FBXL13: variants seen among roughly 807,000 people sequenced by gnomAD.
FBXL13 encodes the protein F-box and leucine-rich repeat protein 13.
In FBXL13, 67 loss-of-function variants were observed where a neutral mutation model predicts 83.6. The ratio of observed to expected loss-of-function variants is 0.80; its 90% CI spans 0.66 to 0.98. The LOEUF is 0.98. Among genes scored for constraint, FBXL13 ranks in the 50% least tolerant of loss-of-function variants. The probability of loss-of-function intolerance (pLI) is 0.00; values close to 1 mark genes in which losing one functional copy is unlikely to be tolerated. For missense variants in FBXL13, 822 were observed against 866.5 expected (o/e 0.95, Z 0.64); for synonymous variants, 272 against 299.5 (o/e 0.91, Z 0.95).
At chr7:103,046,942 T>A (rs1308491071) in intron 2 of FBXL13, 2 of 152,244 alleles carry the variant, frequency 1.3e-5, no homozygotes, top group East Asian at 1.9e-4. Context: ...TTCTCTGATG[T>A]TCTCAAAAGA....
At chr7:102,840,945 C>G (rs1415882110) in intron 17 of FBXL13, among the ~76,000 whole-genome samples, 1 of 152,088 alleles carries the variant, frequency 6.6e-6, no homozygotes, top group Non-Finnish European at 1.5e-5. Context: ...CTGGAACGAT[C>G]CTATCTATGA....
At chr7:102,949,653 T>A (rs1823106885) in intron 8 of FBXL13, among the ~76,000 whole-genome samples, 2 of 152,212 alleles carry the variant, frequency 1.3e-5, no homozygotes, top group South Asian at 4.1e-4. Context: ...GTTTCTGTGA[T>A]GAAGACAATT....
At chr7:102,909,525 C>T (rs1814311949) in intron 11 of FBXL13, among the ~76,000 whole-genome samples, 1 of 152,096 alleles carries the variant, frequency 6.6e-6, no homozygotes, top group South Asian at 2.1e-4. Context: ...GTCACAGAGG[C>T]TCACCCAAGG....
At chr7:102,850,392 C>A (rs1417457949) in intron 17 of FBXL13, among the ~76,000 whole-genome samples, 1 of 152,086 alleles carries the variant, frequency 6.6e-6, no homozygotes, top group Non-Finnish European at 1.5e-5. Flanking sequence ...TATGTCATCA[C>A]CATGGTAGGT....
intron 8 of FBXL13, among the ~76,000 whole-genome samples, chr7:102,959,223 C>A (rs1013174778): frequency 6.6e-6 from 1 of 152,078 alleles, no homozygotes; most frequent in Non-Finnish European, 1.5e-5. Flanking sequence ...GTAGCACCAG[C>A]AATAATCAAT....
At chr7:103,052,388 T>C (rs563063332) in intron 2 of FBXL13, among the ~76,000 whole-genome samples, 1 of 152,154 alleles carries the variant, frequency 6.6e-6, no homozygotes, top group Non-Finnish European at 1.5e-5. Context: ...TGTGCCTGGC[T>C]TTAGTGTATA....
chr7:103,056,979 T>A (rs1050237061), intron 1 of FBXL13, among the ~76,000 whole-genome samples: 3 of 152,186 alleles, frequency 2.0e-5, no homozygotes, highest in Admixed American at 6.5e-5. Flanking sequence ...TGTGTATCCA[T>A]GTCCTTAGCC....
chr7:102,865,260 C>T (rs1807457329), intron 16 of FBXL13, among the ~76,000 whole-genome samples: 3 of 152,220 alleles, frequency 2.0e-5, no homozygotes, highest in Non-Finnish European at 4.4e-5. Flanking sequence ...ATTTCACATG[C>T]TTCTTTCTGA....
At chr7:102,873,598 C>A (rs773187597) in intron 16 of FBXL13, among the ~76,000 whole-genome samples, 2 of 152,196 alleles carry the variant, frequency 1.3e-5, no homozygotes, top group African/African-American at 4.8e-5. Flanking sequence ...GTGAGCTTTT[C>A]GGAATATAAA....
Position 102,947,687 on chromosome 7 carries a change from G to T in FBXL13, c.725-15754C>A, listed in dbSNP as rs559040379. ...ACGACAGACAATACAAGTTCATAAG[G>T]TTACAAAAATCAGTATATTTTACAG... On this transcript the variant is annotated intron_variant, in intron 8 of 19. Transcript: ENST00000313221. Among the ~76,000 whole-genome samples the T allele has an allele frequency of 3.3e-5, 5 of 151,752 alleles. No homozygotes were observed. In the South Asian group the frequency reaches 1.0e-3, roughly 32 times the overall value.
chr7:103,031,696 TA>T (rs1350483711), intron 2 of FBXL13, among the ~76,000 whole-genome samples: 2 of 152,078 alleles, frequency 1.3e-5, no homozygotes, highest in African/African-American at 4.8e-5. Flanking sequence ...GGTTAATTTC[TA>T]GTCTGGAAAT....
At chr7:102,872,685 C>G (rs1460731444) in intron 16 of FBXL13, among the ~76,000 whole-genome samples, 1 of 152,158 alleles carries the variant, frequency 6.6e-6, no homozygotes, top group African/African-American at 2.4e-5. Context: ...GAGATATAAC[C>G]TCACATTCAA....
intron 11 of FBXL13, among the ~76,000 whole-genome samples, chr7:102,906,585 C>A (rs1005441079): frequency 4.6e-5 from 7 of 152,138 alleles, no homozygotes; most frequent in Non-Finnish European, 1.5e-5. Flanking sequence ...TTTATTTCTC[C>A]CTCATGTTTG....
At chr7:103,025,448 C>G (rs1793794980) in intron 5 of FBXL13, among the ~76,000 whole-genome samples, 1 of 152,182 alleles carries the variant, frequency 6.6e-6, no homozygotes, top group African/African-American at 2.4e-5. Flanking sequence ...TCATAAAACA[C>G]TGGCACAGGC....
At chr7:103,045,679 A>G (rs778124572) in intron 2 of FBXL13, among the ~76,000 whole-genome samples, 3 of 152,236 alleles carry the variant, frequency 2.0e-5, no homozygotes, top group Non-Finnish European at 4.4e-5. Flanking sequence ...CACATTTAGC[A>G]TAAGTGACCC....
At chr7:102,944,212 G>T in intron 8 of FBXL13, 1 of 1,598,312 alleles carries the variant, frequency 6.3e-7, no homozygotes, top group Non-Finnish European at 8.5e-7. Flanking sequence ...GTTTCCAGCC[G>T]CTTTTTTAGG....
chr7:102,941,741 C>G (rs1339722563), intron 8 of FBXL13, among the ~76,000 whole-genome samples: 1 of 149,270 alleles, frequency 6.7e-6, no homozygotes, highest in Non-Finnish European at 1.5e-5. Context: ...AGTTTTAAAG[C>G]TGTCTCAAAA....
intron 17 of FBXL13, among the ~76,000 whole-genome samples, chr7:102,836,753 G>A (rs373782216): frequency 4.6e-5 from 7 of 152,154 alleles, no homozygotes; most frequent in African/African-American, 1.7e-4. Context: ...TTCCTAAATA[G>A]GGTACGTAGA....
At chr7:103,018,839 A>G (rs1270088401) in intron 6 of FBXL13, among the ~76,000 whole-genome samples, 1 of 152,162 alleles carries the variant, frequency 6.6e-6, no homozygotes, top group Non-Finnish European at 1.5e-5. Context: ...GTCCTTAGAG[A>G]CCTACAAAGA....
Sources: allele counts gnomAD v4.1 joint callset (sites outside exome capture counted in the v4.1 genomes callset), GRCh38; gene constraint gnomAD v4.1.1; transcripts MANE v1.5; gene names NCBI Gene and HGNC (gene_info 2026-07-23, HGNC 2026-07-21).